Variants in ARID1A observed in about 807,000 individuals in gnomAD.
ARID1A encodes the protein AT-rich interactive domain-containing protein 1A.
In ARID1A, 20 loss-of-function variants were observed where a neutral mutation model predicts 212.6. That is an observed-to-expected ratio of 0.09 (90% CI 0.07 to 0.14). The LOEUF (loss-of-function observed/expected upper bound fraction) is 0.14. ARID1A is among the 10% of genes least tolerant of loss of function. The probability of loss-of-function intolerance (pLI) is 1.00; values close to 1 mark genes in which losing one functional copy is unlikely to be tolerated. For missense variants in ARID1A, 2,587 were observed against 3,059.0 expected (o/e 0.85, Z 3.64); for synonymous variants, 1,376 against 1,222.1 (o/e 1.13, Z -2.63).
At chr1:26,755,749 GTT>G (rs971547108) in intron 4 of ARID1A, among the ~76,000 whole-genome samples, 2 of 145,034 alleles carry the variant, frequency 1.4e-5, no homozygotes, top group African/African-American at 2.5e-5. Context: ...TGGTTTTTTG[GTT>G]TTTTTTTTTT....
chr1:26,770,030 A>G (rs1056155460), intron 11 of ARID1A: 1 of 152,358 alleles, frequency 6.6e-6, no homozygotes, highest in Non-Finnish European at 1.5e-5. Flanking sequence ...CCTGGCCAAC[A>G]TGGCCAAACC....
intron 19 of ARID1A, among the ~76,000 whole-genome samples, chr1:26,777,664 G>A (rs371331135): frequency 1.1e-3 from 167 of 152,266 alleles, no homozygotes; most frequent in African/African-American, 3.9e-3. Flanking sequence ...TGGGTGCAGT[G>A]GCTCACGCCT....
At chr1:26,731,042 T>C (rs1248227574) in intron 2 of ARID1A, 110 bp from the exon 3 acceptor site, 14 of 1,229,462 alleles carry the variant, frequency 1.1e-5, no homozygotes, top group Non-Finnish European at 1.6e-5. Context: ...GTATGAGGCC[T>C]TGCATGCTTG....
Position 26,708,308 on chromosome 1 carries a change from G to A in ARID1A, c.1137+10768G>A, listed in dbSNP as rs191837293. Among the ~76,000 whole-genome samples the A allele has an allele frequency of 3.0e-3, 235 of 77,218 alleles. 6 individuals carry two copies. Among genetic ancestry groups the A allele is most frequent in the Non-Finnish European group, 5.8e-4 (26 of 44,828 alleles). The allele number at this position is 77,218 out of a possible 152,430, so 50.7% of individuals were successfully genotyped here. A position where few individuals can be genotyped will look rare whatever the true frequency, so the allele number is the denominator to read the frequency against. On this transcript the variant is annotated intron_variant, in intron 1 of 19. Transcript: ENST00000324856. ...TTTTTTTTTTTTTTTTTTTTGAGAC[G>A]GAGTCTTGCACTGTCGCCCAGGCTG... is the stretch of plus-strand genomic sequence containing the variant.
intron 4 of ARID1A, among the ~76,000 whole-genome samples, chr1:26,745,965 C>T (rs979587604): frequency 3.9e-4 from 59 of 152,104 alleles, no homozygotes; most frequent in African/African-American, 1.3e-3. Flanking sequence ...GCAGGAGAAT[C>T]GCTTGAACCT....
At chr1:26,746,790 A>G (rs1197340232) in intron 4 of ARID1A, among the ~76,000 whole-genome samples, 1 of 152,226 alleles carries the variant, frequency 6.6e-6, no homozygotes, top group Non-Finnish European at 1.5e-5. Context: ...TAATCCCAGC[A>G]GTTTGGGAGG....
At chr1:26,778,795 T>A (rs1013308355) in intron 19 of ARID1A, 18 of 411,212 alleles carry the variant, frequency 4.4e-5, no homozygotes, top group South Asian at 1.5e-4. Context: ...TTGGCTAGTG[T>A]TCCTGGAGAT....
In ARID1A at chr1:26,696,413, C is replaced by A. The variant is rs2124739705; in HGVS notation, c.10C>A (p.Gln4Lys). Residue 4 changes from glutamine (Q) to lysine (K), a missense_variant, in exon 1 of 20, where the codon CAG (glutamine) becomes AAG (lysine). Physicochemically the swap from Gln to Lys is moderately conservative, Grantham distance 53. Around this residue, in one of 11 missense-constraint regions of ARID1A, gnomAD observed 735 missense variants for 590.6 expected, o/e 1.24. Transcript: ENST00000324856. MAAQVAPAAASSLG... is the reference protein window; with the variant it reads MAAKVAPAAASSLG... ...CGAGACAGCGGGGATCATGGCCGCGCAGGTCGCCCCCGCCGCCGCCAGCAG... is the reference window on the plus strand; with the variant it reads ...CGAGACAGCGGGGATCATGGCCGCGAAGGTCGCCCCCGCCGCCGCCAGCAG... The A allele has an allele frequency of 7.8e-7, 1 of 1,283,090 alleles. No homozygotes were observed. 79.5% of individuals were successfully genotyped at this position (1,283,090 alleles called of 1,614,324 possible). A position where few individuals can be genotyped will look rare whatever the true frequency, so the allele number is the denominator to read the frequency against.
intron 1 of ARID1A, among the ~76,000 whole-genome samples, chr1:26,702,811 A>G (rs537374649): frequency 1.3e-5 from 2 of 152,200 alleles, no homozygotes; most frequent in Non-Finnish European, 2.9e-5. Flanking sequence ...TGCTAAGTTC[A>G]GGGCATGTGG....
At chr1:26,722,878 G>A (rs2080578806) in intron 1 of ARID1A, among the ~76,000 whole-genome samples, 1 of 152,242 alleles carries the variant, frequency 6.6e-6, no homozygotes, top group South Asian at 2.1e-4. Context: ...AGGCCAAATA[G>A]GAGGTTAGAA....
rs746323250 is a variant in ARID1A, at chr1:26,771,175, A to G, written c.3255A>G (p.Ser1085=). The G allele has an allele frequency of 5.0e-6, 8 of 1,614,200 alleles. No homozygotes were observed. In the East Asian group the frequency reaches 1.6e-4, roughly 31 times the overall value. Residue 1085 remains serine, a synonymous_variant, in exon 12 of 20, where the codon TCA becomes TCG. Coordinates refer to ENST00000324856, the MANE Select transcript of ARID1A (RefSeq NM_006015.6). The surrounding 1 kb of genome is among the most constrained non-coding windows in gnomAD (Gnocchi z 5.4). ...ELATNLNVGT[S]SSAASSLKKQ... is the part of the protein sequence containing the mutation. ...CAACCAACCTCAATGTGGGCACATCAAGCAGTGCTGCCAGCTCCTTGAAAA... is the reference window on the plus strand; with the variant it reads ...CAACCAACCTCAATGTGGGCACATCGAGCAGTGCTGCCAGCTCCTTGAAAA...
Position 26,738,949 on chromosome 1 carries a change from GC to G in ARID1A, c.1920+6159del, listed in dbSNP as rs1339131254. ...GGCTGGAGTGCTGGAGTACAGTGGT[GC>G]CATCTGGGCTCACTGCAAGCTCCGC... On this transcript the variant is annotated intron_variant, in intron 4 of 19. Transcript: ENST00000324856. 2.8e-5 allele frequency among the ~76,000 whole-genome samples: 4 copies of G among 143,618 alleles called. No homozygotes were observed. The Admixed American group carries it at 2.8e-4, about 10-fold the overall frequency. 94.2% of individuals were successfully genotyped at this position (143,618 alleles called of 152,430 possible). A position where few individuals can be genotyped will look rare whatever the true frequency, so the allele number is the denominator to read the frequency against.
In ARID1A at chr1:26,773,330, G is replaced by A. The variant is rs2124109993; in HGVS notation, c.3716-16G>A. On this transcript the variant is annotated splice_polypyrimidine_tract_variant and intron_variant, in intron 14 of 19. Coordinates refer to ENST00000324856, the MANE Select transcript of ARID1A (RefSeq NM_006015.6). ...CAACTTACCAGTTTGTTCACCGCTT[G>A]CCTTTCTACGCTCAGCTCCAGGGAG... 2 of 1,553,982 alleles carry A rather than the reference G, an allele frequency of 1.3e-6. No individual in the cohort carries two copies. The highest frequency in any genetic ancestry group is 1.7e-6 in the Non-Finnish European group (2 of 1,152,138).
chr1:26,707,417 C>G (rs1173762231), intron 1 of ARID1A, among the ~76,000 whole-genome samples: 1 of 151,752 alleles, frequency 6.6e-6, no homozygotes, highest in Non-Finnish European at 1.5e-5. Flanking sequence ...TCATGCTGGC[C>G]AGGCTGGTCT....
chr1:26,739,333 G>A (rs761910471), intron 4 of ARID1A, among the ~76,000 whole-genome samples: 16 of 152,288 alleles, frequency 1.1e-4, no homozygotes, highest in Admixed American at 8.5e-4. Flanking sequence ...AAACTTTAGC[G>A]TGTGTTAAGA....
intron 4 of ARID1A, among the ~76,000 whole-genome samples, chr1:26,746,660 G>A (rs950546777): frequency 2.6e-5 from 4 of 151,834 alleles, no homozygotes; most frequent in African/African-American, 7.3e-5. Flanking sequence ...TTGGGAGGCC[G>A]AGGTAGGTGG....
At chr1:26,766,015 C>G in intron 8 of ARID1A, 1 of 586,962 alleles carries the variant, frequency 1.7e-6, no homozygotes, top group Non-Finnish European at 2.9e-6. Flanking sequence ...GCATTCCAGC[C>G]AGGGTGCCAG....
chr1:26,775,340 C>T, intron 18 of ARID1A, 120 bp downstream of exon 18: 6 of 1,449,572 alleles, frequency 4.1e-6, no homozygotes, highest in Non-Finnish European at 5.4e-6. Flanking sequence ...AAAATAGAAC[C>T]AAAGAACTTT....
At chr1:26,708,880 A>G (rs1242205177) in intron 1 of ARID1A, among the ~76,000 whole-genome samples, 1 of 151,624 alleles carries the variant, frequency 6.6e-6, no homozygotes, top group African/African-American at 2.4e-5. Flanking sequence ...TATTTTTAGT[A>G]GAGATGGGGC....
Sources: gnomAD v4.1 joint callset for allele counts (sites outside exome capture counted in the v4.1 genomes callset) on GRCh38, gnomAD v4.1.1 for gene constraint, gnomAD v4.1.1 regional missense constraint, Gnocchi (gnomAD v3.1) non-coding constraint, MANE v1.5 for transcripts, NCBI Gene and HGNC (gene_info 2026-07-23, HGNC 2026-07-21) for gene names.